The following PAX2 variants were observed in gnomAD, a reference collection of about 807,000 sequenced individuals.
PAX2 encodes the protein paired box 2.
PAX2 carries 9 observed loss-of-function variants against 41.7 expected under a neutral mutation model. That is an observed-to-expected ratio of 0.22 (90% CI 0.13 to 0.38). The LOEUF is 0.38. Among genes scored for constraint, PAX2 ranks in the 10% least tolerant of loss-of-function variants. The pLI is 1.00. For synonymous variants in PAX2, 221 were observed against 212.7 expected (o/e 1.04, Z -0.34); for missense variants, 418 against 531.6 (o/e 0.79, Z 2.10).
chr10:100,773,146 T>C (rs1246555058), intron 3 of PAX2, among the ~76,000 whole-genome samples: 2 of 152,228 alleles, frequency 1.3e-5, no homozygotes, highest in Non-Finnish European at 1.5e-5. Flanking sequence ...GTTTATTAAA[T>C]GGGTGACTTT....
intron 4 of PAX2, among the ~76,000 whole-genome samples, chr10:100,780,607 C>T (rs115426351): frequency 0.011 from 1,705 of 152,210 alleles, 28 homozygotes; most frequent in African/African-American, 0.039. Flanking sequence ...CTAATCTTGC[C>T]CTAAGGGGGA....
At chr10:100,808,318 T>C (rs1187083254) in intron 6 of PAX2, among the ~76,000 whole-genome samples, 2 of 150,764 alleles carry the variant, frequency 1.3e-5, no homozygotes, top group East Asian at 1.9e-4. Context: ...CGTCCAGCCA[T>C]GGAGGGGAGG....
chr10:100,826,097 G>A lies in PAX2; in HGVS notation c.1022-912G>A, dbSNP rs1364128033. On this transcript the variant is annotated intron_variant, in intron 8 of 9. Transcript: ENST00000355243. The surrounding 1 kb of genome is among the most constrained non-coding windows in gnomAD (Gnocchi z 5.5). ...CACTTGTTTCATTAGCGATGGGGAA[G>A]GAGATAGCTCAGTTCCTCTTGGTCA... 6.6e-6 allele frequency among the ~76,000 whole-genome samples: 1 copy of A among 152,126 alleles called. No individual in the cohort carries two copies. The highest frequency in any genetic ancestry group is 1.5e-5 in the Non-Finnish European group (1 of 68,014).
At position 100,781,356 on chromosome 10, in the gene PAX2, C is replaced by T. The variant is rs751365925; in HGVS notation, c.607C>T (p.Arg203Cys). 4 of 1,613,918 alleles carry T rather than the reference C, an allele frequency of 2.5e-6. No individual in the cohort carries two copies. Among genetic ancestry groups the T allele is most frequent in the Non-Finnish European group, 3.4e-6 (4 of 1,179,916 alleles). ...IPRSNGEKRK[R>C]DEDVSEGSVP... ...TCGCTCCAATGGTGAGAAGAGGAAA[C>T]GTGATGAAGGTAGGGAGGAGGGAAG... Residue 203 changes from arginine (R) to cysteine (C), a missense_variant, in exon 5 of 10, where the codon CGT (arginine) becomes TGT (cysteine). Transcript: ENST00000355243.
rs762289848 is a variant in PAX2, at chr10:100,781,304, C to T, written c.555C>T (p.Tyr185=). 5.0e-6 allele frequency: 8 copies of T among 1,611,986 alleles called. No individual in the cohort carries two copies. In the South Asian group the frequency reaches 6.6e-5, roughly 13 times the overall value. ...SSASNDPVGS[Y]SINGILGIPR... is the part of the protein sequence containing the mutation. ...CCTCCAATGACCCAGTGGGATCCTA[C>T]TCCATCAATGGGATCCTGGGGATTC... The change falls in exon 5 of 10, where the codon TAC becomes TAT. Residue 185 remains tyrosine, a synonymous_variant. Transcript: ENST00000355243.
At chr10:100,735,785 G>A in intron 1 of PAX2, 1 of 1,010,800 alleles carries the variant, frequency 9.9e-7, no homozygotes, top group Non-Finnish European at 1.2e-6. Flanking sequence ...AGGGGAGAGG[G>A]ATGGGGGCGG....
rs1844811688 is a variant in PAX2 at position 100,737,448 on chromosome 10, C to CAG, written c.25+1715_25+1716insAG. Among the ~76,000 whole-genome samples the CAG allele has an allele frequency of 3.3e-5, 5 of 152,258 alleles. 1 individual carries two copies. The highest frequency in any genetic ancestry group is 2.1e-4 in the South Asian group (1 of 4,834). On this transcript the variant is annotated intron_variant, in intron 1 of 9. Coordinates refer to the PAX2 transcript ENST00000679374. Reference sequence around the variant, plus strand: ...CGCGCGTGGCACAGCGGCCAGCGGCCCGACTCCGCACCGCACTTCCTTTCC... The same window carrying CAG: ...CGCGCGTGGCACAGCGGCCAGCGGCCAGCGACTCCGCACCGCACTTCCTTTCC...
intron 5 of PAX2, among the ~76,000 whole-genome samples, chr10:100,802,933 A>C (rs1036013134): frequency 6.6e-6 from 1 of 151,992 alleles, no homozygotes; most frequent in Non-Finnish European, 1.5e-5. Context: ...AGCTGGGCCT[A>C]ACAGTGGTCT....
At chr10:100,752,698 G>T (rs1277921212) in intron 3 of PAX2, among the ~76,000 whole-genome samples, 1 of 152,188 alleles carries the variant, frequency 6.6e-6, no homozygotes, top group Non-Finnish European at 1.5e-5. Context: ...TAGGTAATTT[G>T]TTTCTCTTGA....
At chr10:100,787,011 G>A in intron 5 of PAX2, 2 of 1,384,346 alleles carry the variant, frequency 1.4e-6, no homozygotes, top group East Asian at 3.7e-5. Flanking sequence ...GACTTTAAGA[G>A]GTATGAGGGC....
chr10:100,770,431 C>G (rs1419038246), intron 3 of PAX2, among the ~76,000 whole-genome samples: 2 of 152,188 alleles, frequency 1.3e-5, no homozygotes, highest in African/African-American at 4.8e-5. Flanking sequence ...CTGTCACGCT[C>G]TGGGCTTGGC....
At chr10:100,797,910 T>C (rs1275574168) in intron 5 of PAX2, among the ~76,000 whole-genome samples, 1 of 152,000 alleles carries the variant, frequency 6.6e-6, no homozygotes, top group African/African-American at 2.4e-5. Context: ...TGTGAATGGG[T>C]ACAGCAAGCC....
intron 5 of PAX2, among the ~76,000 whole-genome samples, chr10:100,802,689 T>C (rs1312888190): frequency 6.6e-6 from 1 of 152,098 alleles, no homozygotes; most frequent in African/African-American, 2.4e-5. Flanking sequence ...GCTGCAGAAA[T>C]GCATTAGTCA....
intron 3 of PAX2, among the ~76,000 whole-genome samples, chr10:100,772,148 C>T (rs1165688096): frequency 6.6e-6 from 1 of 152,070 alleles, no homozygotes; most frequent in Admixed American, 6.6e-5. Flanking sequence ...GTGACAGAGT[C>T]TCACTCTGCA....
At chr10:100,812,956 C>T (rs1030463080) in intron 7 of PAX2, among the ~76,000 whole-genome samples, 2 of 152,222 alleles carry the variant, frequency 1.3e-5, no homozygotes, top group African/African-American at 4.8e-5. Context: ...CCCTGGGCCA[C>T]TTTGGAAGGA....
intron 3 of PAX2, among the ~76,000 whole-genome samples, chr10:100,759,060 C>T (rs1212125460): frequency 2.0e-5 from 3 of 152,034 alleles, no homozygotes; most frequent in African/African-American, 4.8e-5. Context: ...CAGGGTTGTT[C>T]GGGATTGGAG....
At chr10:100,800,556 T>G (rs540017234) in intron 5 of PAX2, among the ~76,000 whole-genome samples, 3 of 152,328 alleles carry the variant, frequency 2.0e-5, no homozygotes, top group Admixed American at 2.0e-4. Flanking sequence ...ATTACAGGCA[T>G]GAGCCACTAT....
At chr10:100,759,368 T>G (rs568810107) in intron 3 of PAX2, among the ~76,000 whole-genome samples, 1 of 152,254 alleles carries the variant, frequency 6.6e-6, no homozygotes, top group South Asian at 2.1e-4. Flanking sequence ...GGAAACCTCA[T>G]GAGTGTGCCG....
Position 100,749,808 on chromosome 10 carries a change from G to A in PAX2, c.106G>A (p.Val36Met), listed in dbSNP as rs770252038. The stretch of plus-strand genomic sequence containing the variant: ...TGTGAACGGCCGGCCCCTACCCGAC[G>A]TGGTGAGGCAGCGCATCGTGGAGCT... ...VFVNGRPLPD[V>M]VRQRIVELAH... The change falls in exon 2 of 10, where the codon GTG becomes ATG. Residue 36 changes from valine (V) to methionine (M), a missense_variant. Val to Met is a conservative substitution (Grantham distance 21). Transcript: ENST00000355243. 1 of 1,611,686 alleles carries A rather than the reference G, an allele frequency of 6.2e-7. No individual in the cohort carries two copies. Among genetic ancestry groups the A allele is most frequent in the South Asian group, 1.1e-5 (1 of 90,884 alleles).
Sources: gnomAD v4.1 joint callset for allele counts (sites outside exome capture counted in the v4.1 genomes callset) on GRCh38, gnomAD v4.1.1 for gene constraint, Gnocchi (gnomAD v3.1) non-coding constraint, MANE v1.5 for transcripts, NCBI Gene and HGNC (gene_info 2026-07-23, HGNC 2026-07-21) for gene names.